The following GNAQ variants were observed in gnomAD, a reference collection of about 807,000 sequenced individuals.
GNAQ encodes the protein G protein subunit alpha q.
A neutral mutation model predicts 43.9 loss-of-function variants in GNAQ; 8 were observed. The observed-to-expected ratio is 0.18, with a 90% CI of 0.11 to 0.33. The LOEUF is 0.33. Among genes scored for constraint, GNAQ ranks in the 10% least tolerant of loss-of-function variants. The pLI is 1.00. For missense variants in GNAQ, 158 were observed against 450.8 expected, an observed-to-expected ratio of 0.35 and a Z score of 5.88; for synonymous variants, 155 against 170.7, an observed-to-expected ratio of 0.91 and a Z score of 0.71.
intron 2 of GNAQ, among the ~76,000 whole-genome samples, chr9:77,898,884 G>C (rs893267472): frequency 6.6e-6 from 1 of 152,034 alleles, no homozygotes; most frequent in Non-Finnish European, 1.5e-5. Context: ...ATACCTGATA[G>C]TTTGCAACTT....
chr9:77,987,296 G>C (rs932907064), intron 1 of GNAQ, among the ~76,000 whole-genome samples: 20 of 152,156 alleles, frequency 1.3e-4, no homozygotes, highest in South Asian at 1.0e-3. Flanking sequence ...AAAGCCTCTG[G>C]GTGCTTGCTT....
At chr9:78,010,422 G>T (rs544243723) in intron 1 of GNAQ, among the ~76,000 whole-genome samples, 3 of 152,140 alleles carry the variant, frequency 2.0e-5, no homozygotes, top group Non-Finnish European at 4.4e-5. Flanking sequence ...TTAATTGGGG[G>T]ATAATGTTCT....
intron 1 of GNAQ, among the ~76,000 whole-genome samples, chr9:77,950,931 TA>T (rs1003681317): frequency 3.9e-5 from 6 of 152,092 alleles, no homozygotes; most frequent in Non-Finnish European, 7.4e-5. Context: ...CATCTATATT[TA>T]AAAAGGTTAT....
rs547618624 is a variant in GNAQ at position 77,862,737 on chromosome 9, C to T, written c.322-46967G>A. ...TCGTTACTTATGCAAATTTCTGCAG[C>T]GGGCTTGAATTTCCCCTCATAAAAT... On this transcript the variant is annotated intron_variant, in intron 2 of 6. Transcript: ENST00000286548. Among the ~76,000 whole-genome samples, 314 of 152,340 alleles carry T rather than the reference C, an allele frequency of 2.1e-3. 3 individuals are homozygous for T. Among genetic ancestry groups the T allele is most frequent in the African/African-American group, 7.1e-3 (297 of 41,580 alleles).
chr9:77,909,176 G>A (rs186139150), intron 2 of GNAQ, among the ~76,000 whole-genome samples: 1 of 152,092 alleles, frequency 6.6e-6, no homozygotes, highest in East Asian at 1.9e-4. Flanking sequence ...CAAAGCATAT[G>A]GTATTGATTA....
chr9:77,980,664 TA>T lies in GNAQ; in HGVS notation c.136+50435del, dbSNP rs139443196. Among the ~76,000 whole-genome samples, 13 of 149,798 alleles carry T rather than the reference TA, an allele frequency of 8.7e-5. 1 individual carries two copies. Among genetic ancestry groups the T allele is most frequent in the East Asian group, 2.0e-4 (1 of 5,104 alleles). On this transcript the variant is annotated intron_variant, in intron 1 of 6. Coordinates refer to ENST00000286548, the MANE Select transcript of GNAQ (RefSeq NM_002072.5). ...TCCAAAAGATACCACTTTACTAGTT[TA>T]AAAAAAAAACACAATTCACAATTTA...
chr9:78,030,835 G>A (rs1824044045), intron 1 of GNAQ, among the ~76,000 whole-genome samples: 1 of 152,066 alleles, frequency 6.6e-6, no homozygotes, highest in South Asian at 2.1e-4. Flanking sequence ...AAAGGAACAA[G>A]CCAAGGCACC....
At chr9:77,760,877 G>A (rs1238497945) in intron 5 of GNAQ, among the ~76,000 whole-genome samples, 1 of 148,876 alleles carries the variant, frequency 6.7e-6, no homozygotes, top group Non-Finnish European at 1.5e-5. Context: ...TGGGATGTGA[G>A]GAGTGCCTCT....
chr9:77,828,920 A>G (rs1827251713), intron 2 of GNAQ, among the ~76,000 whole-genome samples: 1 of 152,232 alleles, frequency 6.6e-6, no homozygotes, highest in East Asian at 1.9e-4. Context: ...AAACATGGCT[A>G]AAGTGAAATT....
At chr9:77,740,867 C>A (rs1393023790) in intron 5 of GNAQ, among the ~76,000 whole-genome samples, 3 of 152,152 alleles carry the variant, frequency 2.0e-5, no homozygotes, top group Non-Finnish European at 4.4e-5. Context: ...GCAAGCATTT[C>A]TATAAAGGGT....
chr9:77,953,921 C>A (rs1823012104), intron 1 of GNAQ, among the ~76,000 whole-genome samples: 1 of 152,170 alleles, frequency 6.6e-6, no homozygotes, highest in Admixed American at 6.5e-5. Context: ...ACACTGTTAT[C>A]TTCCTTCATT....
intron 1 of GNAQ, among the ~76,000 whole-genome samples, chr9:77,971,498 C>A (rs1300051455): frequency 6.6e-6 from 1 of 152,186 alleles, no homozygotes; most frequent in Non-Finnish European, 1.5e-5. Flanking sequence ...TAAACGTAAT[C>A]CATCACATGA....
intron 5 of GNAQ, among the ~76,000 whole-genome samples, chr9:77,757,941 C>T (rs901473631): frequency 6.6e-6 from 1 of 152,196 alleles, no homozygotes; most frequent in Non-Finnish European, 1.5e-5. Flanking sequence ...AATTTTAAAG[C>T]CTGCTAAATC....
chr9:77,988,028 C>A (rs7858398), intron 1 of GNAQ, among the ~76,000 whole-genome samples: 32,576 of 152,046 alleles, frequency 0.21, 3,727 homozygotes, highest in South Asian at 0.39. Context: ...ATTCCTGGTG[C>A]GAAAAGCAAT....
At chr9:77,960,462 CT>C (rs775078392) in intron 1 of GNAQ, among the ~76,000 whole-genome samples, 8 of 152,154 alleles carry the variant, frequency 5.3e-5, no homozygotes, top group Admixed American at 3.3e-4. Flanking sequence ...CCTGTTACCC[CT>C]GGCCCTGGAG....
chr9:77,821,755 G>GTGTA (rs1827119476), intron 2 of GNAQ, among the ~76,000 whole-genome samples: 2 of 151,188 alleles, frequency 1.3e-5, no homozygotes, highest in Non-Finnish European at 2.9e-5. Flanking sequence ...GTGTGTGTGT[G>GTGTA]TGTATGTATG....
intron 1 of GNAQ, among the ~76,000 whole-genome samples, chr9:77,975,002 CA>C (rs1273080462): frequency 4.6e-5 from 7 of 152,182 alleles, no homozygotes; most frequent in Admixed American, 2.6e-4. Flanking sequence ...CCCACTGTGA[CA>C]ACCCCTCAAT....
chr9:77,941,492 G>A (rs1202418418), intron 1 of GNAQ, among the ~76,000 whole-genome samples: 9 of 151,988 alleles, frequency 5.9e-5, no homozygotes, highest in Non-Finnish European at 8.8e-5. Context: ...CTCATGATCC[G>A]CCTGCCTCGG....
intron 1 of GNAQ, among the ~76,000 whole-genome samples, chr9:77,957,722 C>CACG (rs578002368): frequency 1.4e-3 from 211 of 152,266 alleles, no homozygotes; most frequent in Middle Eastern, 3.4e-3. Flanking sequence ...GGATGAAGGC[C>CACG]ACTAGCATCA....
Sources: gnomAD v4.1 joint callset for allele counts (sites outside exome capture counted in the v4.1 genomes callset) on GRCh38, gnomAD v4.1.1 for gene constraint, MANE v1.5 for transcripts, NCBI Gene and HGNC (gene_info 2026-07-23, HGNC 2026-07-21) for gene names.